The following NALCN variants were observed in gnomAD, a reference collection of about 807,000 sequenced individuals.
NALCN encodes the protein sodium leak channel NALCN.
NALCN carries 111 observed loss-of-function variants against 225.3 expected under a neutral mutation model. That is an observed-to-expected ratio of 0.49 (90% CI 0.42 to 0.58). The LOEUF (loss-of-function observed/expected upper bound fraction) is 0.58. Ranked by LOEUF, NALCN falls within the 20% of genes least tolerant of loss-of-function variation. NALCN has a pLI of 0.00. For missense variants in NALCN, 1,378 were observed against 2,202.4 expected (o/e 0.63, Z 7.49); for synonymous variants, 764 against 769.0 (o/e 0.99, Z 0.11).
intron 13 of NALCN, among the ~76,000 whole-genome samples, chr13:101,216,731 C>T (rs976951512): frequency 6.6e-6 from 1 of 151,940 alleles, no homozygotes; most frequent in African/African-American, 2.4e-5. Context: ...TTTGGTAATT[C>T]CTTTAATACA....
chr13:101,106,271 C>G (rs2035094423), intron 22 of NALCN, among the ~76,000 whole-genome samples: 1 of 152,142 alleles, frequency 6.6e-6, no homozygotes, highest in Non-Finnish European at 1.5e-5. Flanking sequence ...TTTAAAATTC[C>G]TATTTCCAAA....
intron 11 of NALCN, among the ~76,000 whole-genome samples, chr13:101,256,853 T>TC (rs1370075601): frequency 6.8e-6 from 1 of 147,332 alleles, no homozygotes; most frequent in African/African-American, 2.5e-5. Context: ...AACCTCCGCC[T>TC]CCCAGGTTCA....
At chr13:101,124,584 T>C (rs770320396) in intron 18 of NALCN, 24 bp downstream of exon 18, 3 of 1,590,518 alleles carry the variant, frequency 1.9e-6, no homozygotes, top group East Asian at 4.5e-5. Context: ...TGTTTAAATA[T>C]GTGTCAACAT....
intron 17 of NALCN, among the ~76,000 whole-genome samples, chr13:101,140,032 G>A (rs979891202): frequency 1.3e-5 from 2 of 152,152 alleles, no homozygotes; most frequent in Non-Finnish European, 2.9e-5. Flanking sequence ...GGTGGATCCT[G>A]AAAAGAATTA....
intron 3 of NALCN, among the ~76,000 whole-genome samples, chr13:101,394,862 C>T (rs1230051263): frequency 6.6e-6 from 1 of 152,198 alleles, no homozygotes; most frequent in Non-Finnish European, 1.5e-5. Flanking sequence ...TCTGGGCCAG[C>T]CCCTGTGCTG....
chr13:101,367,130 T>A (rs1049611972), intron 6 of NALCN, among the ~76,000 whole-genome samples: 54 of 151,976 alleles, frequency 3.6e-4, no homozygotes, highest in African/African-American at 1.1e-3. Context: ...TATTTTTTTT[T>A]ATTTTTTTAA....
intron 7 of NALCN, among the ~76,000 whole-genome samples, chr13:101,303,733 C>T (rs983462049): frequency 1.1e-4 from 17 of 152,232 alleles, no homozygotes; most frequent in African/African-American, 2.9e-4. Context: ...TGTCTTTCCG[C>T]GCTCTCATTA....
chr13:101,073,240 T>C (rs1284190215), intron 37 of NALCN, among the ~76,000 whole-genome samples: 2 of 152,118 alleles, frequency 1.3e-5, no homozygotes, highest in Non-Finnish European at 1.5e-5. Flanking sequence ...GCCTAGCATA[T>C]AGCTGAGGGG....
At chr13:101,223,244 C>T (rs774995913) in intron 13 of NALCN, among the ~76,000 whole-genome samples, 2 of 152,192 alleles carry the variant, frequency 1.3e-5, no homozygotes, top group African/African-American at 2.4e-5. Context: ...CATTTCCCAT[C>T]AATGCTCTAT....
chr13:101,060,088 G>T, intron 41 of NALCN, 121 bp from the exon 42 acceptor site: 2 of 1,100,332 alleles, frequency 1.8e-6, no homozygotes, highest in Non-Finnish European at 1.3e-6. Context: ...GACCTCTTAG[G>T]AATTTCCAAG....
chr13:101,292,299 T>G lies in NALCN; in HGVS notation c.867A>C (p.Ala289=). ...AACGCCAACGGGGAAAGCTGTCAAT[T>G]GCTCTGTACATGAGGAACACCCAGC... ...QEGWVFLMYR[A]IDSFPRWRSY... Residue 289 remains alanine, a synonymous_variant, in exon 8 of 44, where the codon GCA becomes GCC. Transcript: ENST00000251127. This position sits in a 1 kb window ranked among gnomAD's most constrained non-coding sequence, Gnocchi z 4.3. The G allele has an allele frequency of 6.2e-7, 1 of 1,614,134 alleles. No homozygotes were observed. Among genetic ancestry groups the G allele is most frequent in the Non-Finnish European group, 8.5e-7 (1 of 1,180,038 alleles).
intron 13 of NALCN, among the ~76,000 whole-genome samples, chr13:101,205,827 A>G (rs779491917): frequency 2.0e-5 from 3 of 152,096 alleles, no homozygotes; most frequent in Admixed American, 6.6e-5. Flanking sequence ...ATAATTACTA[A>G]TATATACAAA....
intron 15 of NALCN, among the ~76,000 whole-genome samples, chr13:101,165,756 G>A (rs1006368818): frequency 2.0e-5 from 3 of 152,320 alleles, no homozygotes; most frequent in Non-Finnish European, 4.4e-5. Context: ...GATTACAGGC[G>A]TGAGCCACCA....
In NALCN at chr13:101,106,613, T is replaced by A. The variant is rs116214133; in HGVS notation, c.2579+874A>T. Among the ~76,000 whole-genome samples, 1,198 of 152,296 alleles carry A rather than the reference T, an allele frequency of 7.9e-3. 25 individuals are homozygous for A. Among genetic ancestry groups the A allele is most frequent in the African/African-American group, 0.027 (1,134 of 41,562 alleles). On this transcript the variant is annotated intron_variant, in intron 22 of 43. Transcript: ENST00000251127. Reference sequence around the variant, plus strand: ...GTAGGAGGGACCCAGTCAGAGATAATTGAATCATGGGGGCGGTTCCCCCAT... The same window carrying A: ...GTAGGAGGGACCCAGTCAGAGATAAATGAATCATGGGGGCGGTTCCCCCAT...
At chr13:101,121,995 T>A (rs1321485895) in intron 18 of NALCN, among the ~76,000 whole-genome samples, 1 of 152,124 alleles carries the variant, frequency 6.6e-6, no homozygotes, top group Non-Finnish European at 1.5e-5. Flanking sequence ...CTCCCTCTTT[T>A]TTTCCTTTTA....
chr13:101,287,594 C>A (rs1234317849), intron 9 of NALCN, among the ~76,000 whole-genome samples: 1 of 151,738 alleles, frequency 6.6e-6, no homozygotes, highest in African/African-American at 2.4e-5. Context: ...TAGACTAGTG[C>A]AGATCTCAAT....
At chr13:101,316,165 A>C (rs969153973) in intron 7 of NALCN, among the ~76,000 whole-genome samples, 1 of 151,502 alleles carries the variant, frequency 6.6e-6, no homozygotes, top group Non-Finnish European at 1.5e-5. Context: ...AATGCTATTC[A>C]ATAAATGTCC....
intron 40 of NALCN, among the ~76,000 whole-genome samples, chr13:101,064,160 T>C (rs1566773184): frequency 6.6e-6 from 1 of 152,202 alleles, no homozygotes; most frequent in Non-Finnish European, 1.5e-5. Context: ...CAGTCAGTTA[T>C]GTCATCTGAA....
chr13:101,167,568 G>A (rs2038500207), intron 15 of NALCN, among the ~76,000 whole-genome samples: 1 of 152,128 alleles, frequency 6.6e-6, no homozygotes, highest in South Asian at 2.1e-4. Flanking sequence ...CAGGTTAGGT[G>A]GTTCACGCCT....
Sources: gnomAD v4.1 joint callset for allele counts (sites outside exome capture counted in the v4.1 genomes callset) on GRCh38, gnomAD v4.1.1 for gene constraint, Gnocchi (gnomAD v3.1) non-coding constraint, MANE v1.5 for transcripts, NCBI Gene and HGNC (gene_info 2026-07-23, HGNC 2026-07-21) for gene names.